Variants in ASIC2 observed in about 807,000 individuals in gnomAD.
ASIC2 encodes the protein acid sensing ion channel subunit 2.
Under a neutral mutation model 57.3 loss-of-function variants are expected in ASIC2, and 25 were observed. The ratio of observed to expected loss-of-function variants is 0.44; its 90% CI spans 0.32 to 0.61. ASIC2 has a LOEUF of 0.61. Ranked by LOEUF, ASIC2 falls within the 20% of genes least tolerant of loss-of-function variation. The probability of loss-of-function intolerance (pLI) is 0.06; values close to 1 mark genes in which losing one functional copy is unlikely to be tolerated. For missense variants in ASIC2, 641 were observed against 738.1 expected, an observed-to-expected ratio of 0.87 and a Z score of 1.52; for synonymous variants, 319 against 307.5, an observed-to-expected ratio of 1.04 and a Z score of -0.39.
intron 3 of ASIC2, among the ~76,000 whole-genome samples, chr17:33,032,029 T>A (rs879534387): frequency 5.3e-5 from 8 of 152,210 alleles, no homozygotes; most frequent in Non-Finnish European, 1.0e-4. Flanking sequence ...TTAAGGTACA[T>A]CTATTTGAGT....
At chr17:33,355,923 G>A (rs764539553) in intron 1 of ASIC2, among the ~76,000 whole-genome samples, 1 of 152,188 alleles carries the variant, frequency 6.6e-6, no homozygotes, top group African/African-American at 2.4e-5. Flanking sequence ...ATGATCAGGG[G>A]AAAAGGGATC....
At chr17:33,259,836 G>A (rs141887830) in intron 1 of ASIC2, among the ~76,000 whole-genome samples, 88 of 152,288 alleles carry the variant, frequency 5.8e-4, no homozygotes, top group African/African-American at 2.0e-3. Flanking sequence ...GCTCTAACCC[G>A]AGAATGCTCT....
intron 1 of ASIC2, among the ~76,000 whole-genome samples, chr17:33,306,217 T>TAAA (rs1304881326): frequency 7.9e-5 from 12 of 152,246 alleles, no homozygotes; most frequent in Admixed American, 6.5e-4. Flanking sequence ...TTTAGGGTTT[T>TAAA]GTTCCATAGG....
intron 1 of ASIC2, among the ~76,000 whole-genome samples, chr17:33,611,119 T>C (rs12943567): frequency 0.27 from 41,200 of 152,028 alleles, 5,853 homozygotes; most frequent in African/African-American, 0.34. Context: ...ACCTCTGCTT[T>C]CCTGCTGCTA....
chr17:33,630,067 C>T (rs11658388), intron 1 of ASIC2, among the ~76,000 whole-genome samples: 44,991 of 151,922 alleles, frequency 0.3, 6,835 homozygotes, highest in East Asian at 0.42. Flanking sequence ...GGCCCACCAG[C>T]GGCCATCTCT....
At chr17:33,970,048 C>T (rs944272658) in intron 1 of ASIC2, among the ~76,000 whole-genome samples, 2 of 152,150 alleles carry the variant, frequency 1.3e-5, no homozygotes, top group Non-Finnish European at 2.9e-5. Context: ...CCTATTTCCT[C>T]GGCAGTTCTG....
chr17:33,135,729 AG>A (rs1316899440), intron 1 of ASIC2, among the ~76,000 whole-genome samples: 1 of 152,148 alleles, frequency 6.6e-6, no homozygotes, highest in Non-Finnish European at 1.5e-5. Context: ...GGGAGAGGCA[AG>A]GGGGGCTGGC....
At chr17:33,567,933 G>A (rs1450233916) in intron 1 of ASIC2, among the ~76,000 whole-genome samples, 2 of 152,106 alleles carry the variant, frequency 1.3e-5, no homozygotes, top group African/African-American at 4.8e-5. Flanking sequence ...CATTGTTGAT[G>A]AAGGCTTTGA....
intron 1 of ASIC2, among the ~76,000 whole-genome samples, chr17:33,317,580 A>G (rs916836630): frequency 2.0e-5 from 3 of 152,228 alleles, no homozygotes; most frequent in Non-Finnish European, 4.4e-5. Context: ...TCAGCTTAGG[A>G]GAATAATAAA....
intron 1 of ASIC2, among the ~76,000 whole-genome samples, chr17:33,429,089 G>C (rs1451319174): frequency 6.6e-6 from 1 of 152,146 alleles, no homozygotes; most frequent in Non-Finnish European, 1.5e-5. Flanking sequence ...TGTGTGTCAG[G>C]GTAAGGTGTC....
At chr17:34,138,795 A>G (rs948162753) in intron 1 of ASIC2, among the ~76,000 whole-genome samples, 10 of 152,168 alleles carry the variant, frequency 6.6e-5, no homozygotes, top group Admixed American at 2.6e-4. Context: ...TCTTTCAGCC[A>G]TTGTTCGACT....
intron 1 of ASIC2, chr17:34,036,753 T>G (rs921403119): frequency 2.1e-5 from 3 of 140,266 alleles, no homozygotes; most frequent in African/African-American, 8.1e-5. Flanking sequence ...TCAAATAAAT[T>G]AAAAGGGACA....
intron 1 of ASIC2, among the ~76,000 whole-genome samples, chr17:33,168,422 G>C (rs946108504): frequency 1.3e-5 from 2 of 152,224 alleles, no homozygotes; most frequent in African/African-American, 4.8e-5. Flanking sequence ...TGAGGCCCCA[G>C]AAGAGAGGAG....
intron 1 of ASIC2, among the ~76,000 whole-genome samples, chr17:33,802,970 C>A (rs1912172584): frequency 6.6e-6 from 1 of 150,506 alleles, no homozygotes; most frequent in Non-Finnish European, 1.5e-5. Flanking sequence ...GTGCGCATAG[C>A]CAAAGTAAGA....
chr17:33,457,246 C>G (rs1198051985), intron 1 of ASIC2, among the ~76,000 whole-genome samples: 2 of 143,272 alleles, frequency 1.4e-5, no homozygotes, highest in East Asian at 2.1e-4. Flanking sequence ...TTTTGTTTTT[C>G]TTTTTTTTTT....
At chr17:33,523,633 G>A (rs2141956581) in intron 1 of ASIC2, among the ~76,000 whole-genome samples, 1 of 152,302 alleles carries the variant, frequency 6.6e-6, no homozygotes, top group Non-Finnish European at 1.5e-5. Context: ...CTAGCACAGG[G>A]CTTGGCTTCT....
chr17:33,106,049 G>A (rs2092233139), intron 2 of ASIC2, among the ~76,000 whole-genome samples: 1 of 152,192 alleles, frequency 6.6e-6, no homozygotes, highest in Non-Finnish European at 1.5e-5. Flanking sequence ...ATATCTGAGT[G>A]AAGAGTTGAT....
intron 1 of ASIC2, among the ~76,000 whole-genome samples, chr17:33,729,031 A>G (rs1909652606): frequency 6.6e-6 from 1 of 152,230 alleles, no homozygotes; most frequent in Non-Finnish European, 1.5e-5. Context: ...GAGAAATGGA[A>G]GAAAAGGAAA....
intron 1 of ASIC2, chr17:34,037,741 C>T (rs1159361687): frequency 2.8e-5 from 45 of 1,614,062 alleles, no homozygotes; most frequent in Non-Finnish European, 3.7e-5. Flanking sequence ...AGGCCAGCTG[C>T]TGGACATCAA....
Sources: gnomAD v4.1 joint callset for allele counts (sites outside exome capture counted in the v4.1 genomes callset) on GRCh38, gnomAD v4.1.1 for gene constraint, MANE v1.5 for transcripts, NCBI Gene and HGNC (gene_info 2026-07-23, HGNC 2026-07-21) for gene names.